The following PRKAR1B variants were observed in gnomAD, a reference collection of about 807,000 sequenced individuals.
PRKAR1B encodes cAMP-dependent protein kinase type I-beta regulatory subunit.
In PRKAR1B, 22 loss-of-function variants were observed where a neutral mutation model predicts 46.5. The ratio of observed to expected loss-of-function variants is 0.47; its 90% CI spans 0.34 to 0.68. PRKAR1B has a LOEUF of 0.68. PRKAR1B is among the 30% of genes least tolerant of loss of function. The probability of loss-of-function intolerance (pLI) is 0.01; values close to 1 mark genes in which losing one functional copy is unlikely to be tolerated. For missense variants in PRKAR1B, 445 were observed against 535.6 expected (o/e 0.83, Z 1.67); for synonymous variants, 259 against 217.7 (o/e 1.19, Z -1.67).
At chr7:578,326 C>T (rs1341004294) in intron 9 of PRKAR1B, among the ~76,000 whole-genome samples, 4 of 152,236 alleles carry the variant, frequency 2.6e-5, no homozygotes, top group Admixed American at 2.0e-4. Context: ...GCGGCCCCAG[C>T]ACATCCCGGG....
rs1781116810 is a variant in PRKAR1B at position 593,740 on chromosome 7, G to C, written c.708+2406C>G. On this transcript the variant is annotated intron_variant, in intron 7 of 10. Coordinates refer to ENST00000537384, the MANE Select transcript of PRKAR1B (RefSeq NM_001164760.2). The surrounding 1 kb of genome is among the most constrained non-coding windows in gnomAD (Gnocchi z 6.1). ...GGAGTGAGCGGGTTCAGACAGAAGA[G>C]AGGGAGCGTGCAACTCCTCCCAGGA... Among the ~76,000 whole-genome samples the C allele has an allele frequency of 6.6e-6, 1 of 152,176 alleles. No homozygotes were observed. The highest frequency in any genetic ancestry group is 1.5e-5 in the Non-Finnish European group (1 of 68,028).
chr7:636,415 C>T lies in PRKAR1B; in HGVS notation c.441-28963G>A, dbSNP rs567517038. Among the ~76,000 whole-genome samples, 25 of 90,606 alleles carry T rather than the reference C, an allele frequency of 2.8e-4. 1 individual carries two copies. Among genetic ancestry groups the T allele is most frequent in the South Asian group, 1.4e-3 (4 of 2,858 alleles). The allele number at this position is 90,606 out of a possible 152,430, so 59.4% of individuals were successfully genotyped here. On this transcript the variant is annotated intron_variant, in intron 4 of 10. Transcript: ENST00000537384. ...GCGCCCTCACGTCCTCCACCGGCCG[C>T]GCCCACACGTCCTCCACCGGCCGCG...
chr7:642,826 A>T (rs1784460227), intron 4 of PRKAR1B, among the ~76,000 whole-genome samples: 1 of 151,416 alleles, frequency 6.6e-6, no homozygotes, highest in African/African-American at 2.4e-5. Flanking sequence ...TTTATCAGGC[A>T]GCACACTCGG....
rs1236024893 is a variant in PRKAR1B, at chr7:610,989, C to T, written c.441-3537G>A. 4.6e-5 allele frequency among the ~76,000 whole-genome samples: 7 copies of T among 152,330 alleles called. 1 individual carries two copies. Among genetic ancestry groups the T allele is most frequent in the Admixed American group, 3.9e-4 (6 of 15,302 alleles). The stretch of plus-strand genomic sequence containing the variant: ...GGTAAGAGAAAGAAAAACACGAAGA[C>T]ATTCCAGCCGGCCCTTCCTGCGGGG... On this transcript the variant is annotated intron_variant, in intron 4 of 10. Transcript: ENST00000537384.
At chr7:576,207 G>A (rs549802320) in intron 9 of PRKAR1B, among the ~76,000 whole-genome samples, 205 of 150,320 alleles carry the variant, frequency 1.4e-3, no homozygotes, top group African/African-American at 4.6e-3. Flanking sequence ...ATGGGCAGGC[G>A]TGCACGCTGG....
At chr7:646,333 C>T (rs1283084247) in intron 4 of PRKAR1B, among the ~76,000 whole-genome samples, 1 of 152,226 alleles carries the variant, frequency 6.6e-6, no homozygotes, top group African/African-American at 2.4e-5. Flanking sequence ...CGTGAGCCAC[C>T]GCGCCTGGCC....
At chr7:657,652 C>T (rs1352417665) in intron 4 of PRKAR1B, among the ~76,000 whole-genome samples, 2 of 152,110 alleles carry the variant, frequency 1.3e-5, no homozygotes, top group African/African-American at 4.8e-5. Context: ...ACATAGCAGC[C>T]GACAGGACAC....
chr7:705,163 A>G (rs1364511267), intron 2 of PRKAR1B, among the ~76,000 whole-genome samples: 1 of 151,954 alleles, frequency 6.6e-6, no homozygotes, highest in Admixed American at 6.6e-5. Flanking sequence ...ATGGTGGCAC[A>G]TGCCTGTAAT....
chr7:595,461 C>T (rs559213398), intron 7 of PRKAR1B, among the ~76,000 whole-genome samples: 86 of 152,340 alleles, frequency 5.6e-4, no homozygotes, highest in African/African-American at 2.0e-3. Flanking sequence ...CTGTGTTCCC[C>T]ACAGACCTGC....
chr7:714,060 G>A lies in PRKAR1B; in HGVS notation c.-22-2533C>T, dbSNP rs965651091. Among the ~76,000 whole-genome samples the A allele has an allele frequency of 1.3e-5, 2 of 152,042 alleles. No homozygotes were observed. Among genetic ancestry groups the A allele is most frequent in the East Asian group, 1.9e-4 (1 of 5,186 alleles). ...TGCTGCTGACCAGCAGTACCATCAC[G>A]TGCTCCCCGCGGCCCCTCCACTCCC... On this transcript the variant is annotated intron_variant, in intron 1 of 10. Transcript: ENST00000537384. This position sits in a 1 kb window ranked among gnomAD's most constrained non-coding sequence, Gnocchi z 4.3.
At chr7:605,182 C>T (rs1346386111) in intron 6 of PRKAR1B, among the ~76,000 whole-genome samples, 1 of 152,208 alleles carries the variant, frequency 6.6e-6, no homozygotes, top group Non-Finnish European at 1.5e-5. Context: ...GCCCTGGGGC[C>T]GCCAGTGCAG....
Position 579,334 on chromosome 7 carries a change from C to T in PRKAR1B, c.813G>A (p.Leu271=). Residue 271 remains leucine, a synonymous_variant, in exon 9 of 11, where the codon CTG becomes CTA. Transcript: ENST00000537384. ...KWERLTVADA[L]EPVQFEDGEK... is the part of the protein sequence containing the mutation. ...CTCCATCTTCAAACTGGACGGGCTC[C>T]AGCGCATCCGCCACGGTCAGACGCT... The T allele has an allele frequency of 6.2e-7, 1 of 1,614,158 alleles. No individual in the cohort carries two copies. The highest frequency in any genetic ancestry group is 8.5e-7 in the Non-Finnish European group (1 of 1,180,036).
At chr7:717,439 T>C (rs1780920942) in intron 1 of PRKAR1B, among the ~76,000 whole-genome samples, 1 of 151,906 alleles carries the variant, frequency 6.6e-6, no homozygotes, top group Admixed American at 6.6e-5. Context: ...GGAGGATCAC[T>C]TGAGTCCAGG....
rs1302731261 is a variant in PRKAR1B, at chr7:549,245, A to C, written c.*1185T>G. On this transcript the variant is annotated 3_prime_UTR_variant, in exon 11 of 11. Transcript: ENST00000537384. The stretch of plus-strand genomic sequence containing the variant: ...TTCATGCAGTATTCAGAGCAGAGAT[A>C]AGGGGGGGGATGGCTCACAGGTCCA... 2 of 140,216 alleles carry C rather than the reference A, an allele frequency of 1.4e-5. No homozygotes were observed. Among genetic ancestry groups the C allele is most frequent in the Non-Finnish European group, 3.2e-5 (2 of 63,238 alleles). The allele number at this position is 140,216 out of a possible 1,614,324, so 8.7% of individuals were successfully genotyped here.
At chr7:554,900 C>T (rs1318309463) in intron 9 of PRKAR1B, among the ~76,000 whole-genome samples, 3 of 152,198 alleles carry the variant, frequency 2.0e-5, no homozygotes, top group Non-Finnish European at 2.9e-5. Flanking sequence ...TTTCATGGCT[C>T]GGAGGTGGCA....
At chr7:727,999 C>T (rs974724600), upstream of PRKAR1B, among the ~76,000 whole-genome samples, 36 of 152,104 alleles carry the variant, frequency 2.4e-4, no homozygotes, top group African/African-American at 8.4e-4. Flanking sequence ...TGAGACTCTG[C>T]TCTGGTCATT....
rs377125356 is a variant in PRKAR1B, at chr7:593,724, G to A, written c.708+2422C>T. Among the ~76,000 whole-genome samples the A allele has an allele frequency of 2.0e-5, 3 of 152,278 alleles. No individual in the cohort carries two copies. The highest frequency in any genetic ancestry group is 2.4e-5 in the African/African-American group (1 of 41,560). On this transcript the variant is annotated intron_variant, in intron 7 of 10. Transcript: ENST00000537384. The surrounding 1 kb of genome is among the most constrained non-coding windows in gnomAD (Gnocchi z 6.1). ...CCTCCCAGTGAAGGCAGGAGTGAGCGGGTTCAGACAGAAGAGAGGGAGCGT... is the reference window on the plus strand; with the variant it reads ...CCTCCCAGTGAAGGCAGGAGTGAGCAGGTTCAGACAGAAGAGAGGGAGCGT...
At position 607,443 on chromosome 7, in the gene PRKAR1B, G is replaced by A. The variant is rs764777147; in HGVS notation, c.450C>T (p.Phe150=). ...TGTGAGTGACAGGGAACATGGCATC[G>A]AATATGTCACTGAAAAGCAAAACAC... ...HLDDNERSDI[F]DAMFPVTHIA... Residue 150 remains phenylalanine (F), a synonymous_variant, in exon 5 of 11, where the codon TTC becomes TTT. Transcript: ENST00000537384. 5.6e-6 allele frequency: 9 copies of A among 1,613,704 alleles called. No homozygotes were observed. Among genetic ancestry groups the A allele is most frequent in the African/African-American group, 2.7e-5 (2 of 74,906 alleles).
At chr7:622,742 A>C (rs144345739) in intron 4 of PRKAR1B, among the ~76,000 whole-genome samples, 1 of 152,322 alleles carries the variant, frequency 6.6e-6, no homozygotes, top group East Asian at 1.9e-4. Flanking sequence ...GGGAATGATG[A>C]GTGAAGAAAA....
Sources: gnomAD v4.1 joint callset for allele counts (sites outside exome capture counted in the v4.1 genomes callset) on GRCh38, gnomAD v4.1.1 for gene constraint, Gnocchi (gnomAD v3.1) non-coding constraint, MANE v1.5 for transcripts, NCBI Gene and HGNC (gene_info 2026-07-23, HGNC 2026-07-21) for gene names.